Variants in SRRM3 observed in about 807,000 individuals in gnomAD.
SRRM3 encodes the protein serine/arginine repetitive matrix protein 3.
Under a neutral mutation model 66.2 loss-of-function variants are expected in SRRM3, and 27 were observed. The ratio of observed to expected loss-of-function variants is 0.41; its 90% CI spans 0.30 to 0.56. The LOEUF (loss-of-function observed/expected upper bound fraction) is 0.56. SRRM3 is among the 20% of genes least tolerant of loss of function. SRRM3 has a pLI of 0.32. For synonymous variants in SRRM3, 391 were observed against 414.9 expected, an observed-to-expected ratio of 0.94 and a Z score of 0.70; for missense variants, 918 against 991.9, an observed-to-expected ratio of 0.93 and a Z score of 1.00.
At chr7:76,282,943 T>TA (rs1422459217) in intron 13 of SRRM3, 21 bp from the exon 14 acceptor site, 2 of 1,324,676 alleles carry the variant, frequency 1.5e-6, no homozygotes, top group Non-Finnish European at 1.9e-6. Flanking sequence ...GTCGCTCACT[T>TA]ACCTCGCGCC....
intron 8 of SRRM3, among the ~76,000 whole-genome samples, chr7:76,263,877 C>CAAAAAAAAAAA (rs781852712): frequency 2.0e-5 from 1 of 49,528 alleles, no homozygotes; most frequent in Admixed American, 2.5e-4. Flanking sequence ...TGTCTCAAGA[C>CAAAAAAAAAAA]AAAAAAAAAA....
chr7:76,204,380 C>G (rs1554600911), intron 1 of SRRM3, among the ~76,000 whole-genome samples: 1 of 152,204 alleles, frequency 6.6e-6, no homozygotes, highest in Admixed American at 6.5e-5. Flanking sequence ...ACTTCGTATA[C>G]ATGATCTCAT....
intron 2 of SRRM3, among the ~76,000 whole-genome samples, chr7:76,240,196 A>G (rs577077510): frequency 8.6e-5 from 13 of 151,484 alleles, no homozygotes; most frequent in Admixed American, 5.9e-4. Flanking sequence ...AATAATAATA[A>G]TAATTAGCTG....
chr7:76,280,772 C>T (rs1484409100), intron 11 of SRRM3, among the ~76,000 whole-genome samples: 1 of 148,112 alleles, frequency 6.8e-6, no homozygotes, highest in Non-Finnish European at 1.5e-5. Flanking sequence ...CCCACCCCAC[C>T]CGCCCGCTCT....
chr7:76,286,681 G>A lies in SRRM3; in HGVS notation c.*838G>A, dbSNP rs531150382. 6.6e-6 allele frequency: 1 copy of A among 152,514 alleles called. No homozygotes were observed. Among genetic ancestry groups the A allele is most frequent in the Admixed American group, 6.5e-5 (1 of 15,304 alleles). 9.4% of individuals were successfully genotyped at this position (152,514 alleles called of 1,614,324 possible). On this transcript the variant is annotated 3_prime_UTR_variant, in exon 15 of 15. Coordinates refer to ENST00000611745, the MANE Select transcript of SRRM3 (RefSeq NM_001110199.3). ...TACATTTGACCCTGAGGTTAAAAGG[G>A]GTTCAGGTCAAGAGGTGGGAGAGGA...
intron 1 of SRRM3, among the ~76,000 whole-genome samples, chr7:76,211,499 A>G (rs747065625): frequency 3.3e-5 from 5 of 152,142 alleles, no homozygotes; most frequent in Non-Finnish European, 7.4e-5. Flanking sequence ...TGTTCCCAGT[A>G]GGTAAGTGCA....
intron 1 of SRRM3, among the ~76,000 whole-genome samples, chr7:76,205,744 A>G (rs1464971825): frequency 3.9e-5 from 6 of 152,186 alleles, no homozygotes; most frequent in Non-Finnish European, 8.8e-5. Context: ...TCAGCCAAAG[A>G]GTCCTGGGAT....
At chr7:76,222,731 C>T (rs369183698) in intron 1 of SRRM3, among the ~76,000 whole-genome samples, 1 of 152,092 alleles carries the variant, frequency 6.6e-6, no homozygotes, top group Non-Finnish European at 1.5e-5. Context: ...AAGCAATCCT[C>T]CTGCCTCAGC....
At chr7:76,272,636 A>G (rs1208450634) in intron 11 of SRRM3, among the ~76,000 whole-genome samples, 17 of 152,136 alleles carry the variant, frequency 1.1e-4, no homozygotes, top group Non-Finnish European at 2.4e-4. Context: ...TGGGTGACAG[A>G]GCGAGACTCC....
chr7:76,213,577 T>C (rs956727496), intron 1 of SRRM3, among the ~76,000 whole-genome samples: 4 of 151,978 alleles, frequency 2.6e-5, no homozygotes, highest in Admixed American at 6.6e-5. Flanking sequence ...TTGTTGCAGG[T>C]TGTCAGTGCA....
At chr7:76,213,771 G>T (rs1258300933) in intron 1 of SRRM3, among the ~76,000 whole-genome samples, 1 of 151,820 alleles carries the variant, frequency 6.6e-6, no homozygotes, top group South Asian at 2.1e-4. Context: ...TGGTTTTTTT[G>T]TTTGTTTGTT....
intron 2 of SRRM3, among the ~76,000 whole-genome samples, chr7:76,245,879 G>T (rs1801428767): frequency 6.6e-6 from 1 of 151,946 alleles, no homozygotes; most frequent in Admixed American, 6.6e-5. Context: ...TATATTTTTG[G>T]TACAGACAGG....
At position 76,223,611 on chromosome 7, in the gene SRRM3, C is replaced by T. The variant is rs542679944; in HGVS notation, c.-39-11417C>T. ...TCATGGGTATTTATCAGTTCTGTCT[C>T]GTTTCTGACAGTTGGAAAGAATCTT... On this transcript the variant is annotated intron_variant, in intron 1 of 14. Coordinates refer to ENST00000611745, the MANE Select transcript of SRRM3 (RefSeq NM_001110199.3). 3.9e-5 allele frequency among the ~76,000 whole-genome samples: 6 copies of T among 152,234 alleles called. No individual in the cohort carries two copies. The East Asian group carries it at 1.2e-3, about 29-fold the overall frequency.
Position 76,285,600 on chromosome 7 carries a change from T to C in SRRM3, c.1734-15T>C, listed in dbSNP as rs1265233570. On this transcript the variant is annotated splice_polypyrimidine_tract_variant and intron_variant, in intron 14 of 14. Coordinates refer to ENST00000611745, the MANE Select transcript of SRRM3 (RefSeq NM_001110199.3). This position sits in a 1 kb window ranked among gnomAD's most constrained non-coding sequence, Gnocchi z 4.1. Reference sequence around the variant, plus strand: ...GGCCTGGGATGGCCTGTAATCAGCTTTTTCTTCCCGGCAGCGCCCGCAAGC... The same window carrying C: ...GGCCTGGGATGGCCTGTAATCAGCTCTTTCTTCCCGGCAGCGCCCGCAAGC... The C allele has an allele frequency of 3.9e-6, 6 of 1,545,662 alleles. No homozygotes were observed. The East Asian group carries it at 1.2e-4, about 32-fold the overall frequency.
chr7:76,246,291 C>T (rs549972633), intron 2 of SRRM3, among the ~76,000 whole-genome samples: 3 of 152,188 alleles, frequency 2.0e-5, no homozygotes, highest in Admixed American at 6.5e-5. Flanking sequence ...TGGCCGGGTG[C>T]GTTGTCTCAC....
chr7:76,260,547 C>G (rs1052755890), intron 5 of SRRM3, among the ~76,000 whole-genome samples: 1 of 150,582 alleles, frequency 6.6e-6, no homozygotes, highest in African/African-American at 2.4e-5. Context: ...CTAGGCCCCA[C>G]CCCTCATCGA....
At position 76,260,389 on chromosome 7, in the gene SRRM3, C is replaced by T. The variant is rs1278605562; in HGVS notation, c.545+192C>T. Among the ~76,000 whole-genome samples, 7 of 145,794 alleles carry T rather than the reference C, an allele frequency of 4.8e-5. No individual in the cohort carries two copies. The East Asian group carries it at 1.5e-3, about 31-fold the overall frequency. Reference sequence around the variant, plus strand: ...TGAACCCACCCCAGGCCTCAAGCTCCTCCCCTCGCTAGGCCCCGCCCCTCG... The same window carrying T: ...TGAACCCACCCCAGGCCTCAAGCTCTTCCCCTCGCTAGGCCCCGCCCCTCG... On this transcript the variant is annotated intron_variant, in intron 5 of 14. Transcript: ENST00000611745.
intron 11 of SRRM3, chr7:76,270,130 G>A (rs1802175139): frequency 6.6e-6 from 1 of 152,270 alleles, no homozygotes; most frequent in South Asian, 2.1e-4. Flanking sequence ...TCCCCAGGAA[G>A]CTGGAGAGAA....
At position 76,271,663 on chromosome 7, in the gene SRRM3, C is replaced by A. The variant is rs75174875; in HGVS notation, c.1008+4228C>A. Among the ~76,000 whole-genome samples the A allele has an allele frequency of 7.2e-3, 1,100 of 152,156 alleles. 32 individuals carry two copies. Among genetic ancestry groups the A allele is most frequent in the Admixed American group, 0.052 (798 of 15,288 alleles). ...GTCTCAAAACAAACAACAACAACAA[C>A]AAAAAATAGACTCCAGCCCTCTGAC... On this transcript the variant is annotated intron_variant, in intron 11 of 14. Transcript: ENST00000611745.
Sources: allele counts gnomAD v4.1 joint callset (sites outside exome capture counted in the v4.1 genomes callset), GRCh38; gene constraint gnomAD v4.1.1; non-coding constraint Gnocchi (gnomAD v3.1); transcripts MANE v1.5; gene names NCBI Gene and HGNC (gene_info 2026-07-23, HGNC 2026-07-21).